The following UVRAG variants were observed in gnomAD, a reference collection of about 807,000 sequenced individuals.
The protein encoded by UVRAG is UV radiation resistance associated.
Under a neutral mutation model 78.0 loss-of-function variants are expected in UVRAG, and 19 were observed. That is an observed-to-expected ratio of 0.24 (90% CI 0.17 to 0.36). UVRAG has a LOEUF of 0.36. UVRAG is among the 10% of genes least tolerant of loss of function. The probability of loss-of-function intolerance (pLI) is 1.00; values close to 1 mark genes in which losing one functional copy is unlikely to be tolerated. For missense variants in UVRAG, 740 were observed against 853.8 expected (o/e 0.87, Z 1.66); for synonymous variants, 323 against 324.6 (o/e 1.00, Z 0.05).
intron 3 of UVRAG, among the ~76,000 whole-genome samples, chr11:75,863,750 G>T (rs1200943550): frequency 6.6e-6 from 1 of 152,162 alleles, no homozygotes; most frequent in Non-Finnish European, 1.5e-5. Context: ...TCAAGACAAG[G>T]GGGAGGATTG....
intron 12 of UVRAG, among the ~76,000 whole-genome samples, chr11:76,045,962 A>G (rs1591172476): frequency 6.6e-6 from 1 of 152,176 alleles, no homozygotes; most frequent in East Asian, 1.9e-4. Flanking sequence ...AAGGTACATC[A>G]CTGTGAAATT....
intron 6 of UVRAG, among the ~76,000 whole-genome samples, chr11:75,921,467 A>T (rs866969351): frequency 6.6e-6 from 1 of 152,064 alleles, no homozygotes; most frequent in Non-Finnish European, 1.5e-5. Context: ...AGTACTTGGT[A>T]TTTTTTTCCC....
intron 6 of UVRAG, chr11:75,930,760 G>T (rs1948214642): frequency 6.6e-6 from 1 of 152,128 alleles, no homozygotes; most frequent in Admixed American, 6.5e-5. Flanking sequence ...GAATAGACTT[G>T]AAACATTGTT....
intron 12 of UVRAG, among the ~76,000 whole-genome samples, chr11:76,035,447 T>C (rs1488844858): frequency 6.6e-6 from 1 of 152,214 alleles, no homozygotes; most frequent in African/African-American, 2.4e-5. Context: ...TCTATTTTTG[T>C]ATTATTTTAA....
At chr11:75,856,183 G>A (rs920050830) in intron 2 of UVRAG, among the ~76,000 whole-genome samples, 1 of 151,882 alleles carries the variant, frequency 6.6e-6, no homozygotes, top group Non-Finnish European at 1.5e-5. Context: ...TAGAGACGGG[G>A]TTTCACTGTG....
intron 12 of UVRAG, among the ~76,000 whole-genome samples, chr11:76,034,937 C>T (rs902809785): frequency 2.6e-5 from 4 of 152,108 alleles, no homozygotes; most frequent in African/African-American, 9.7e-5. Context: ...ATTAATTAAA[C>T]ACACCAATAA....
At chr11:76,036,425 C>G (rs899215758) in intron 12 of UVRAG, among the ~76,000 whole-genome samples, 1 of 152,042 alleles carries the variant, frequency 6.6e-6, no homozygotes, top group Non-Finnish European at 1.5e-5. Flanking sequence ...TGGCACCCAG[C>G]TACTGAGGAG....
chr11:75,937,206 A>G (rs1948390043), intron 6 of UVRAG, among the ~76,000 whole-genome samples: 1 of 152,202 alleles, frequency 6.6e-6, no homozygotes, highest in Non-Finnish European at 1.5e-5. Flanking sequence ...TGTCTCTACT[A>G]AAAATACAAA....
At chr11:75,830,607 GT>G (rs1382483542) in intron 1 of UVRAG, among the ~76,000 whole-genome samples, 1 of 152,118 alleles carries the variant, frequency 6.6e-6, no homozygotes, top group Non-Finnish European at 1.5e-5. Context: ...AAGAAGACTT[GT>G]TATAAGGCTG....
rs1039890052 is a variant in UVRAG at position 75,872,411 on chromosome 11, C to T, written c.271-7468C>T. 3.9e-5 allele frequency among the ~76,000 whole-genome samples: 5 copies of T among 128,890 alleles called. 1 individual carries two copies. Among genetic ancestry groups the T allele is most frequent in the Admixed American group, 1.7e-4 (2 of 12,086 alleles). The allele number at this position is 128,890 out of a possible 152,430, so 84.6% of individuals were successfully genotyped here. ...GCTGCCTTTTTTTTTTTTTTTTAGACGGAGGCTCACTCTGTCGCCCAGGCT... is the reference window on the plus strand; with the variant it reads ...GCTGCCTTTTTTTTTTTTTTTTAGATGGAGGCTCACTCTGTCGCCCAGGCT... On this transcript the variant is annotated intron_variant, in intron 3 of 14. Transcript: ENST00000356136.
rs146558813 is a variant in UVRAG, at chr11:75,858,420, A to G, written c.236-3326A>G. On this transcript the variant is annotated intron_variant, in intron 2 of 14. Coordinates refer to ENST00000356136, the MANE Select transcript of UVRAG (RefSeq NM_003369.4). ...CACTTACTGTCTTAGGGTTTTCTCC[A>G]TATTGGTTCATAGACAGCATCCCTG... Among the ~76,000 whole-genome samples the G allele has an allele frequency of 7.2e-5, 11 of 152,170 alleles. 1 individual carries two copies. The highest frequency in any genetic ancestry group is 6.8e-3 in the Middle Eastern group (2 of 294).
chr11:76,143,623 G>A lies in UVRAG; in HGVS notation c.*2210G>A, dbSNP rs1201919929. 3.3e-5 allele frequency among the ~76,000 whole-genome samples: 5 copies of A among 152,226 alleles called. No individual in the cohort carries two copies. Among genetic ancestry groups the A allele is most frequent in the East Asian group, 3.8e-4 (2 of 5,208 alleles). Reference sequence around the variant, plus strand: ...ACTTAGGTTTGGGTTCGTTTAGTTCGAGTTTGGGGTTTTCATTTGAACTTG... The same window carrying A: ...ACTTAGGTTTGGGTTCGTTTAGTTCAAGTTTGGGGTTTTCATTTGAACTTG... On this transcript the variant is annotated 3_prime_UTR_variant, in exon 15 of 15. Coordinates refer to ENST00000356136, the MANE Select transcript of UVRAG (RefSeq NM_003369.4).
intron 9 of UVRAG, 88 bp downstream of exon 9, chr11:76,004,177 TATTA>T: frequency 3.1e-6 from 4 of 1,288,594 alleles, no homozygotes; most frequent in South Asian, 1.2e-5. Context: ...AAGCTGCTGG[TATTA>T]ATTTATAGCC....
chr11:76,069,765 A>G (rs548178047), intron 13 of UVRAG, among the ~76,000 whole-genome samples: 38 of 152,286 alleles, frequency 2.5e-4, no homozygotes, highest in African/African-American at 8.9e-4. Context: ...CTCCAGTGTC[A>G]TATCACATAA....
At chr11:76,132,932 T>C (rs534093376) in intron 14 of UVRAG, among the ~76,000 whole-genome samples, 1 of 152,314 alleles carries the variant, frequency 6.6e-6, no homozygotes, top group Admixed American at 6.5e-5. Context: ...AATTAACAAT[T>C]AGGTAGACCG....
chr11:75,901,649 G>T (rs1433685049), intron 5 of UVRAG, among the ~76,000 whole-genome samples: 1 of 152,174 alleles, frequency 6.6e-6, no homozygotes, highest in Non-Finnish European at 1.5e-5. Flanking sequence ...TACTGATGGT[G>T]GCTGCTACTT....
intron 6 of UVRAG, among the ~76,000 whole-genome samples, chr11:75,919,933 G>C (rs1169489927): frequency 6.9e-6 from 1 of 145,674 alleles, no homozygotes; most frequent in South Asian, 2.2e-4. Context: ...GTAATTATGA[G>C]AGCCTTCATA....
intron 6 of UVRAG, among the ~76,000 whole-genome samples, chr11:75,944,736 A>G (rs1948556597): frequency 6.6e-6 from 1 of 152,188 alleles, no homozygotes; most frequent in Admixed American, 6.5e-5. Context: ...TAACGGAATT[A>G]GTAAATAAGA....
chr11:75,959,150 C>T (rs897930345), intron 6 of UVRAG, among the ~76,000 whole-genome samples: 3 of 152,158 alleles, frequency 2.0e-5, no homozygotes, highest in African/African-American at 7.2e-5. Context: ...GCATTAGCTT[C>T]AACTTAAAAT....
Sources: gnomAD v4.1 joint callset for allele counts (sites outside exome capture counted in the v4.1 genomes callset) on GRCh38, gnomAD v4.1.1 for gene constraint, MANE v1.5 for transcripts, NCBI Gene and HGNC (gene_info 2026-07-23, HGNC 2026-07-21) for gene names.